The following SGCZ variants were observed in gnomAD, a reference collection of about 807,000 sequenced individuals.
SGCZ encodes sarcoglycan zeta.
SGCZ carries 40 observed loss-of-function variants against 41.3 expected under a neutral mutation model. That is an observed-to-expected ratio of 0.97 (90% CI 0.75 to 1.26). The LOEUF (loss-of-function observed/expected upper bound fraction) is 1.26. Among genes scored for constraint, SGCZ ranks in the 50% most tolerant of loss-of-function variants. The probability of loss-of-function intolerance (pLI) is 0.00; values close to 1 mark genes in which losing one functional copy is unlikely to be tolerated. For synonymous variants in SGCZ, 206 were observed against 137.5 expected (o/e 1.50, Z -3.49); for missense variants, 552 against 369.8 (o/e 1.49, Z -4.04).
chr8:14,318,642 C>A (rs1801805271), intron 3 of SGCZ, among the ~76,000 whole-genome samples: 1 of 151,986 alleles, frequency 6.6e-6, no homozygotes, highest in South Asian at 2.1e-4. Flanking sequence ...CAGCTAAGAA[C>A]CACGGAATTA....
intron 1 of SGCZ, among the ~76,000 whole-genome samples, chr8:14,660,200 C>T (rs909226982): frequency 2.6e-5 from 4 of 152,098 alleles, no homozygotes; most frequent in African/African-American, 4.8e-5. Context: ...AGAGACCTAA[C>T]ATTTTTGAAA....
intron 1 of SGCZ, among the ~76,000 whole-genome samples, chr8:14,679,300 C>T (rs1442666196): frequency 3.3e-5 from 5 of 151,608 alleles, no homozygotes; most frequent in African/African-American, 1.2e-4. Flanking sequence ...TAACTGTAAG[C>T]CTCAGGAAGA....
At chr8:14,230,766 T>TGG (rs774569313) in intron 4 of SGCZ, among the ~76,000 whole-genome samples, 2 of 92,754 alleles carry the variant, frequency 2.2e-5, no homozygotes, top group Non-Finnish European at 4.5e-5. Flanking sequence ...TTGGTGGTGG[T>TGG]GGGGGGGTGG....
chr8:14,512,366 C>G (rs1442811466), intron 2 of SGCZ, among the ~76,000 whole-genome samples: 1 of 152,152 alleles, frequency 6.6e-6, no homozygotes, highest in Non-Finnish European at 1.5e-5. Context: ...CCTTGCCTAT[C>G]AGTATGCCTT....
At chr8:14,894,516 A>T (rs1805124542) in intron 1 of SGCZ, among the ~76,000 whole-genome samples, 1 of 152,134 alleles carries the variant, frequency 6.6e-6, no homozygotes, top group South Asian at 2.1e-4. Flanking sequence ...TTGCTCCCCA[A>T]GGGTCTTTGC....
chr8:14,734,691 T>C (rs1258618801), intron 1 of SGCZ, among the ~76,000 whole-genome samples: 1 of 152,108 alleles, frequency 6.6e-6, no homozygotes, highest in Non-Finnish European at 1.5e-5. Context: ...CTCTCCAAGC[T>C]TCCTCTACAT....
chr8:14,907,897 C>A (rs1045172041), intron 1 of SGCZ, among the ~76,000 whole-genome samples: 13 of 152,130 alleles, frequency 8.5e-5, no homozygotes, highest in African/African-American at 2.9e-4. Context: ...AACAAATAAC[C>A]ATTTGAGGAG....
intron 1 of SGCZ, among the ~76,000 whole-genome samples, chr8:14,738,227 G>T (rs1339249110): frequency 2.0e-5 from 3 of 151,804 alleles, no homozygotes; most frequent in Admixed American, 6.6e-5. Flanking sequence ...TCTTTCTAAG[G>T]GGGAATCATC....
chr8:14,194,567 C>T (rs1202867695), intron 4 of SGCZ, among the ~76,000 whole-genome samples: 2 of 151,710 alleles, frequency 1.3e-5, no homozygotes, highest in Admixed American at 6.6e-5. Flanking sequence ...AATAGTAAAC[C>T]AGGAATAATA....
chr8:14,309,168 A>G, intron 3 of SGCZ: 2 of 1,477,940 alleles, frequency 1.4e-6, no homozygotes, highest in Non-Finnish European at 1.9e-6. Context: ...TTTAAAAACG[A>G]AAAAAGCAAA....
intron 1 of SGCZ, among the ~76,000 whole-genome samples, chr8:14,689,148 A>T (rs1808717391): frequency 6.6e-6 from 1 of 152,114 alleles, no homozygotes; most frequent in African/African-American, 2.4e-5. Context: ...AAATTTTCTG[A>T]AGAGTAATTT....
chr8:14,185,194 G>T (rs900741406), intron 4 of SGCZ, among the ~76,000 whole-genome samples: 2 of 152,050 alleles, frequency 1.3e-5, no homozygotes, highest in African/African-American at 4.8e-5. Context: ...GAGGTCAGGA[G>T]ATCAAGACCA....
intron 1 of SGCZ, among the ~76,000 whole-genome samples, chr8:14,616,526 A>G (rs2117355971): frequency 6.6e-6 from 1 of 152,272 alleles, no homozygotes; most frequent in Middle Eastern, 3.4e-3. Flanking sequence ...CATGACAGAA[A>G]ATCATCAAAT....
At chr8:14,606,739 G>C (rs944241816) in intron 1 of SGCZ, among the ~76,000 whole-genome samples, 1 of 152,102 alleles carries the variant, frequency 6.6e-6, no homozygotes, top group Non-Finnish European at 1.5e-5. Context: ...CCTGGCACAT[G>C]GTTAGTGTTA....
At chr8:15,218,213 T>A (rs1801480774) in intron 1 of SGCZ, among the ~76,000 whole-genome samples, 1 of 152,132 alleles carries the variant, frequency 6.6e-6, no homozygotes, top group South Asian at 2.1e-4. Context: ...TTTTTAAATA[T>A]CTCAAAGAAT....
At chr8:14,776,494 A>C (rs1234408357) in intron 1 of SGCZ, among the ~76,000 whole-genome samples, 1 of 149,352 alleles carries the variant, frequency 6.7e-6, no homozygotes, top group Non-Finnish European at 1.5e-5. Flanking sequence ...GTGAAATCAG[A>C]CTAATACACT....
rs73667314 is a variant in SGCZ at position 14,574,938 on chromosome 8, C to T, written c.40-20012G>A. On this transcript the variant is annotated intron_variant, in intron 1 of 7. Coordinates refer to ENST00000382080, the MANE Select transcript of SGCZ (RefSeq NM_139167.4). ...TTCTTGAAAGTGAATACATCAAGAA[C>T]GCACAAAAATAAAATTATTTTATAA... Among the ~76,000 whole-genome samples, 154 of 152,072 alleles carry T rather than the reference C, an allele frequency of 1.0e-3. 1 individual carries two copies. The highest frequency in any genetic ancestry group is 3.0e-3 in the African/African-American group (126 of 41,490).
chr8:14,440,925 C>G (rs1215114421), intron 2 of SGCZ, among the ~76,000 whole-genome samples: 1 of 151,734 alleles, frequency 6.6e-6, no homozygotes, highest in Non-Finnish European at 1.5e-5. Flanking sequence ...CATTAGATCT[C>G]CTGTTAGTAA....
At chr8:14,713,172 G>C (rs1460540412) in intron 1 of SGCZ, among the ~76,000 whole-genome samples, 1 of 152,176 alleles carries the variant, frequency 6.6e-6, no homozygotes, top group Non-Finnish European at 1.5e-5. Context: ...AATTGCAAAA[G>C]TTGTTCAGAT....
Sources: allele counts gnomAD v4.1 joint callset (sites outside exome capture counted in the v4.1 genomes callset), GRCh38; gene constraint gnomAD v4.1.1; transcripts MANE v1.5; gene names NCBI Gene and HGNC (gene_info 2026-07-23, HGNC 2026-07-21).